The following GLI3 variants were observed in gnomAD, a reference collection of about 807,000 sequenced individuals.
The protein encoded by GLI3 is GLI family zinc finger 3.
GLI3 carries 20 observed loss-of-function variants against 100.8 expected under a neutral mutation model. That is an observed-to-expected ratio of 0.20 (90% CI 0.14 to 0.29). The LOEUF is 0.29. Ranked by LOEUF, GLI3 falls within the 10% of genes least tolerant of loss-of-function variation. The probability of loss-of-function intolerance (pLI) is 1.00; values close to 1 mark genes in which losing one functional copy is unlikely to be tolerated. For missense variants in GLI3, 2,040 were observed against 2,128.5 expected, an observed-to-expected ratio of 0.96 and a Z score of 0.82; for synonymous variants, 938 against 860.5, an observed-to-expected ratio of 1.09 and a Z score of -1.58.
At chr7:42,068,561 A>G (rs1329583976) in intron 4 of GLI3, among the ~76,000 whole-genome samples, 1 of 152,206 alleles carries the variant, frequency 6.6e-6, no homozygotes, top group Non-Finnish European at 1.5e-5. Flanking sequence ...AAAGTTAGCA[A>G]GCAGGTTCCT....
At chr7:41,988,521 C>T (rs1225083808) in intron 10 of GLI3, among the ~76,000 whole-genome samples, 4 of 151,148 alleles carry the variant, frequency 2.6e-5, no homozygotes, top group African/African-American at 9.7e-5. Context: ...GGGCAGAGCC[C>T]TCATGAAAGG....
chr7:42,114,097 C>T (rs1201421578), intron 3 of GLI3, among the ~76,000 whole-genome samples: 1 of 152,222 alleles, frequency 6.6e-6, no homozygotes, highest in African/African-American at 2.4e-5. Context: ...AATGAGATGG[C>T]ACCCCTCAAA....
intron 2 of GLI3, among the ~76,000 whole-genome samples, chr7:42,196,041 T>A (rs754307239): frequency 1.3e-5 from 2 of 152,096 alleles, no homozygotes; most frequent in Non-Finnish European, 2.9e-5. Context: ...AACACAAAAA[T>A]TAATGGGGAG....
At chr7:41,975,743 T>C (rs954581589) in intron 12 of GLI3, among the ~76,000 whole-genome samples, 4 of 152,178 alleles carry the variant, frequency 2.6e-5, no homozygotes, top group Non-Finnish European at 5.9e-5. Flanking sequence ...CAAAAAAGCT[T>C]GGTAATTGTC....
chr7:42,178,516 C>T, intron 2 of GLI3, among the ~76,000 whole-genome samples: 1 of 152,278 alleles, frequency 6.6e-6, no homozygotes, highest in Middle Eastern at 3.4e-3. Context: ...TCATCACCCC[C>T]CTTCAAGAAG....
chr7:41,968,356 G>A (rs1787244794), intron 13 of GLI3, among the ~76,000 whole-genome samples: 1 of 152,176 alleles, frequency 6.6e-6, no homozygotes, highest in African/African-American at 2.4e-5. Flanking sequence ...AGCCCAGAGA[G>A]CACACAAGTA....
chr7:42,034,565 G>T (rs1448018761), intron 7 of GLI3, among the ~76,000 whole-genome samples: 1 of 152,024 alleles, frequency 6.6e-6, no homozygotes, highest in Non-Finnish European at 1.5e-5. Context: ...AACCTGCCCC[G>T]TGTTTAACTG....
At chr7:42,106,175 C>G (rs1044234491) in intron 3 of GLI3, among the ~76,000 whole-genome samples, 18 of 152,198 alleles carry the variant, frequency 1.2e-4, no homozygotes, top group African/African-American at 3.6e-4. Context: ...GCCTCACCGT[C>G]CAACAGGCAT....
chr7:42,229,604 C>G (rs921810124), intron 1 of GLI3, among the ~76,000 whole-genome samples: 1 of 152,198 alleles, frequency 6.6e-6, no homozygotes, highest in Non-Finnish European at 1.5e-5. Flanking sequence ...CCCTGTAGCA[C>G]TGAAGAGTGA....
At chr7:42,231,891 A>G (rs1339378944) in intron 1 of GLI3, among the ~76,000 whole-genome samples, 1 of 146,320 alleles carries the variant, frequency 6.8e-6, no homozygotes, top group Non-Finnish European at 1.5e-5. Context: ...CATTTCATGC[A>G]ATCTTCAAAA....
chr7:42,185,138 T>C (rs1006636155), intron 2 of GLI3, among the ~76,000 whole-genome samples: 2 of 152,190 alleles, frequency 1.3e-5, no homozygotes, highest in East Asian at 1.9e-4. Flanking sequence ...CCTGTGCTAC[T>C]GGGTCCCCTC....
chr7:42,119,685 G>T (rs1268702645), intron 3 of GLI3, among the ~76,000 whole-genome samples: 1 of 152,138 alleles, frequency 6.6e-6, no homozygotes. Context: ...TGCCACAAGG[G>T]TGACGGTTTG....
intron 10 of GLI3, among the ~76,000 whole-genome samples, chr7:41,986,921 A>G (rs1334288147): frequency 6.6e-6 from 1 of 151,004 alleles, no homozygotes; most frequent in African/African-American, 2.4e-5. Context: ...GTACCAGGAA[A>G]TTGTGGGAGA....
intron 3 of GLI3, among the ~76,000 whole-genome samples, chr7:42,106,043 G>C (rs909588729): frequency 2.6e-5 from 4 of 152,162 alleles, no homozygotes; most frequent in Non-Finnish European, 4.4e-5. Flanking sequence ...GGCCAAGCAG[G>C]CTGGAAAGTA....
rs898150098 is a variant in GLI3, at chr7:42,085,239, A to G, written c.368-8382T>C. On this transcript the variant is annotated intron_variant, in intron 3 of 14. Coordinates refer to ENST00000395925, the MANE Select transcript of GLI3 (RefSeq NM_000168.6). ...GGAGTCAATAGGATCAGAAGTTTAAACTAAGCCTGGTTTAGTTAGGAAACC... is the reference window on the plus strand; with the variant it reads ...GGAGTCAATAGGATCAGAAGTTTAAGCTAAGCCTGGTTTAGTTAGGAAACC... 3.3e-5 allele frequency among the ~76,000 whole-genome samples: 5 copies of G among 152,254 alleles called. No homozygotes were observed. The East Asian group carries it at 7.7e-4, about 24-fold the overall frequency.
chr7:42,007,742 G>T (rs1788497055), intron 10 of GLI3, among the ~76,000 whole-genome samples: 1 of 152,130 alleles, frequency 6.6e-6, no homozygotes, highest in Non-Finnish European at 1.5e-5. Context: ...AATCTAAGAA[G>T]TTTTTACAAT....
intron 2 of GLI3, among the ~76,000 whole-genome samples, chr7:42,184,044 T>C (rs1411009945): frequency 6.6e-6 from 1 of 152,162 alleles, no homozygotes; most frequent in Non-Finnish European, 1.5e-5. Context: ...ATAATGACAG[T>C]AGCCACTTGA....
At chr7:42,033,088 C>T (rs576744033) in intron 7 of GLI3, among the ~76,000 whole-genome samples, 6 of 152,274 alleles carry the variant, frequency 3.9e-5, no homozygotes, top group East Asian at 1.9e-4. Flanking sequence ...TGACCCAGCG[C>T]GGTGTGCACA....
rs142502854 is a variant in GLI3 at position 42,218,203 on chromosome 7, A to C, written c.124+4927T>G. On this transcript the variant is annotated intron_variant, in intron 2 of 14. Coordinates refer to ENST00000395925, the MANE Select transcript of GLI3 (RefSeq NM_000168.6). ...AAGAAAAAGGGTTGGACCTCTATAG[A>C]AACAAGAAACCGAAAACTCACAACC... is the stretch of plus-strand genomic sequence containing the variant. Among the ~76,000 whole-genome samples the C allele has an allele frequency of 4.9e-3, 740 of 152,240 alleles. 2 individuals carry two copies. Among genetic ancestry groups the C allele is most frequent in the African/African-American group, 0.017 (709 of 41,568 alleles).
Sources: gnomAD v4.1 joint callset for allele counts (sites outside exome capture counted in the v4.1 genomes callset) on GRCh38, gnomAD v4.1.1 for gene constraint, MANE v1.5 for transcripts, NCBI Gene and HGNC (gene_info 2026-07-23, HGNC 2026-07-21) for gene names.